NEBL: variants seen among roughly 807,000 people sequenced by gnomAD.
NEBL encodes the protein nebulette.
NEBL carries 122 observed loss-of-function variants against 140.2 expected under a neutral mutation model. That is an observed-to-expected ratio of 0.87 (90% CI 0.75 to 1.01). The LOEUF (loss-of-function observed/expected upper bound fraction) is 1.01. NEBL is among the 50% of genes least tolerant of loss of function. The probability of loss-of-function intolerance (pLI) is 0.00; values close to 1 mark genes in which losing one functional copy is unlikely to be tolerated. For synonymous variants in NEBL, 436 were observed against 398.9 expected (o/e 1.09, Z -1.11); for missense variants, 1,365 against 1,231.3 (o/e 1.11, Z -1.62).
chr10:21,257,017 G>A lies in NEBL; in HGVS notation n.183-5189C>T, dbSNP rs1045236160. Among the ~76,000 whole-genome samples, 9 of 152,096 alleles carry A rather than the reference G, an allele frequency of 5.9e-5. No individual in the cohort carries two copies. In the East Asian group the frequency reaches 1.5e-3, roughly 26 times the overall value. On this transcript the variant is annotated intron_variant and non_coding_transcript_variant, in intron 1 of 8. Transcript: ENST00000675702. ...TGGTAGCTTGAAATTGGCCATAGTG[G>A]GAATAACAACACTATGAAAATTAGC...
chr10:21,153,804 G>A (rs1269196807), intron 2 of NEBL, among the ~76,000 whole-genome samples: 4 of 152,100 alleles, frequency 2.6e-5, no homozygotes, highest in Admixed American at 6.5e-5. Flanking sequence ...GTGAGCCACC[G>A]TGCCCGGCCA....
rs11012375 is a variant in NEBL, at chr10:20,892,604, A to T, written c.154-2655T>A. Among the ~76,000 whole-genome samples, 263 of 152,258 alleles carry T rather than the reference A, an allele frequency of 1.7e-3. 1 individual carries two copies. The highest frequency in any genetic ancestry group is 2.6e-3 in the Non-Finnish European group (179 of 68,016). ...CAACACCAAAAGACAAAAAGGGCAA[A>T]ATTGATGACTTTATGATCATTAAGA... On this transcript the variant is annotated intron_variant, in intron 2 of 27. Transcript: ENST00000377122.
chr10:21,192,217 A>G (rs147836416), intron 3 of NEBL, among the ~76,000 whole-genome samples: 1,842 of 146,228 alleles, frequency 0.013, 43 homozygotes, highest in African/African-American at 0.044. Context: ...TTTGAGATGG[A>G]GTCTCTCTCT....
intron 2 of NEBL, among the ~76,000 whole-genome samples, chr10:21,130,853 T>C (rs1349756509): frequency 6.6e-6 from 1 of 151,812 alleles, no homozygotes. Context: ...GCCAATTAAA[T>C]ACAATGTAAG....
chr10:20,826,671 A>T, intron 17 of NEBL, 132 bp from the exon 18 acceptor site: 1 of 730,112 alleles, frequency 1.4e-6, no homozygotes, highest in Non-Finnish European at 2.3e-6. Context: ...TGCCGGAATT[A>T]TAGGAACAAA....
intron 1 of NEBL, among the ~76,000 whole-genome samples, chr10:21,260,946 C>T (rs1003845175): frequency 1.3e-5 from 2 of 152,100 alleles, no homozygotes; most frequent in Admixed American, 6.6e-5. Context: ...TGGTGGTGCA[C>T]GGGAGCACTG....
At chr10:21,172,528 C>G (rs776080591) in intron 1 of NEBL, 3 of 1,391,830 alleles carry the variant, frequency 2.2e-6, no homozygotes, top group Non-Finnish European at 3.0e-6. Context: ...CCAGTTCTCA[C>G]CAGGATGGGC....
chr10:20,984,849 C>G (rs1383402474), intron 3 of NEBL, among the ~76,000 whole-genome samples: 2 of 152,156 alleles, frequency 1.3e-5, no homozygotes, highest in African/African-American at 4.8e-5. Flanking sequence ...CTCCCCACAG[C>G]TCCCATTATC....
chr10:20,817,948 C>T (rs751162108), intron 20 of NEBL, among the ~76,000 whole-genome samples: 4 of 152,134 alleles, frequency 2.6e-5, no homozygotes, highest in African/African-American at 4.8e-5. Context: ...ATAAATTCCA[C>T]AAATAAAAGT....
At chr10:20,867,061 C>A (rs1305021039) in intron 7 of NEBL, among the ~76,000 whole-genome samples, 2 of 151,956 alleles carry the variant, frequency 1.3e-5, no homozygotes, top group Non-Finnish European at 2.9e-5. Context: ...ATTAGAAGTA[C>A]TTTTCCAAGT....
Position 20,868,678 on chromosome 10 carries a change from T to C in NEBL, c.670A>G (p.Lys224Glu), listed in dbSNP as rs148079637. 1.2e-4 allele frequency: 189 copies of C among 1,607,946 alleles called. No homozygotes were observed. The highest frequency in any genetic ancestry group is 1.6e-4 in the Non-Finnish European group (185 of 1,174,572). The change falls in exon 7 of 28, where the codon AAA becomes GAA. Residue 224 changes from lysine (K) to glutamate (E), a missense_variant. Physicochemically the swap from Lys to Glu is moderately conservative, Grantham distance 56 (BLOSUM62 1). Transcript: ENST00000377122. ...TAAAGCCTTACTTGACTAGAAAGTT[T>C]AGAAGCTTCCACGGCATGTTCAAAA... ...PDFEHAVEAS[K>E]LSSQIKYKEK... is the part of the protein sequence containing the mutation.
intron 3 of NEBL, among the ~76,000 whole-genome samples, chr10:21,209,598 G>T (rs1372795630): frequency 6.6e-6 from 1 of 151,088 alleles, no homozygotes; most frequent in Non-Finnish European, 1.5e-5. Flanking sequence ...TCTGCAGGAT[G>T]TGTCTTCCAG....
intron 3 of NEBL, among the ~76,000 whole-genome samples, chr10:21,188,074 G>A (rs983385486): frequency 6.6e-6 from 1 of 152,116 alleles, no homozygotes; most frequent in Admixed American, 6.5e-5. Flanking sequence ...TATCATGAAG[G>A]TTTCTGTTTA....
intron 1 of NEBL, among the ~76,000 whole-genome samples, chr10:21,287,963 A>G (rs931454503): frequency 6.6e-6 from 1 of 152,244 alleles, no homozygotes; most frequent in Non-Finnish European, 1.5e-5. Context: ...TCCATATACT[A>G]TGTGAGTTAT....
chr10:21,289,479 C>T (rs1390460218), intron 1 of NEBL, among the ~76,000 whole-genome samples: 1 of 152,214 alleles, frequency 6.6e-6, no homozygotes, highest in Non-Finnish European at 1.5e-5. Context: ...CCTTGGCTCA[C>T]TTAGTTGCTT....
At chr10:21,174,100 C>T (rs1043773321) in exon 1 of NEBL, 1 of 941,220 alleles carries the variant, frequency 1.1e-6, no homozygotes, top group Non-Finnish European at 1.3e-6. Context: ...GCGTCGCTCG[C>T]ACTCCAGGTA....
At chr10:21,020,737 C>G (rs893415551) in intron 2 of NEBL, among the ~76,000 whole-genome samples, 3 of 152,116 alleles carry the variant, frequency 2.0e-5, no homozygotes, top group Non-Finnish European at 4.4e-5. Context: ...ATGTCGTCTC[C>G]CCGGGTTTAC....
chr10:20,950,470 C>T (rs1835403923), intron 4 of NEBL, among the ~76,000 whole-genome samples: 1 of 152,144 alleles, frequency 6.6e-6, no homozygotes, highest in Non-Finnish European at 1.5e-5. Context: ...CTTCCTTCTG[C>T]CTCTTCTCCC....
chr10:20,814,587 G>C (rs1163980183), intron 22 of NEBL, among the ~76,000 whole-genome samples: 1 of 145,176 alleles, frequency 6.9e-6, no homozygotes, highest in Non-Finnish European at 1.5e-5. Context: ...GGGCAACAGA[G>C]ACTGTGTCTC....
Sources: allele counts gnomAD v4.1 joint callset (sites outside exome capture counted in the v4.1 genomes callset), GRCh38; gene constraint gnomAD v4.1.1; transcripts MANE v1.5; gene names NCBI Gene and HGNC (gene_info 2026-07-23, HGNC 2026-07-21).